The following GRK3 variants were observed in gnomAD, a reference collection of about 807,000 sequenced individuals.
GRK3 encodes G protein-coupled receptor kinase 3.
Under a neutral mutation model 95.7 loss-of-function variants are expected in GRK3, and 54 were observed. The observed-to-expected ratio is 0.56, with a 90% CI of 0.45 to 0.71. GRK3 has a LOEUF of 0.71. Among genes scored for constraint, GRK3 ranks in the 30% least tolerant of loss-of-function variants. GRK3 has a pLI of 0.00. For synonymous variants in GRK3, 281 were observed against 290.8 expected, an observed-to-expected ratio of 0.97 and a Z score of 0.34; for missense variants, 649 against 851.2, an observed-to-expected ratio of 0.76 and a Z score of 2.96.
At chr22:25,606,936 G>A (rs1394232267) in intron 2 of GRK3, among the ~76,000 whole-genome samples, 3 of 152,196 alleles carry the variant, frequency 2.0e-5, no homozygotes, top group Non-Finnish European at 4.4e-5. Flanking sequence ...AGAGGGTTTA[G>A]CTGGTAATAC....
chr22:25,642,291 G>T (rs376088773), intron 2 of GRK3, among the ~76,000 whole-genome samples: 1 of 152,102 alleles, frequency 6.6e-6, no homozygotes, highest in African/African-American at 2.4e-5. Context: ...AAATTAGCCG[G>T]CCATGATCGC....
intron 7 of GRK3, among the ~76,000 whole-genome samples, chr22:25,673,067 C>CTT (rs1192455904): frequency 1.5e-4 from 12 of 82,190 alleles, no homozygotes; most frequent in Non-Finnish European, 2.0e-4. Context: ...GGAAGAGGGG[C>CTT]TTTTTTTTTT....
At chr22:25,697,396 T>G (rs2085217881) in intron 13 of GRK3, among the ~76,000 whole-genome samples, 1 of 152,226 alleles carries the variant, frequency 6.6e-6, no homozygotes, top group Non-Finnish European at 1.5e-5. Context: ...AGATATTAAT[T>G]CCTTTGTGAA....
At chr22:25,703,815 T>C (rs1248056980) in intron 14 of GRK3, among the ~76,000 whole-genome samples, 1 of 152,018 alleles carries the variant, frequency 6.6e-6, no homozygotes, top group Non-Finnish European at 1.5e-5. Context: ...TAACGAACAG[T>C]ATGAGGAAGC....
rs1005673080 is a variant in GRK3, at chr22:25,699,876, T to C, written c.1161-3634T>C. 2.6e-5 allele frequency among the ~76,000 whole-genome samples: 4 copies of C among 152,126 alleles called. No individual in the cohort carries two copies. The East Asian group carries it at 7.8e-4, about 30-fold the overall frequency. On this transcript the variant is annotated intron_variant, in intron 13 of 20. Transcript: ENST00000324198. ...ACCACGCCCAGCTAATTTTTTGTAT[T>C]TTTAGTAGAGACGGGGCATCACTGT...
At chr22:25,670,606 ACTCCCTTC>A (rs775598812) in intron 6 of GRK3, among the ~76,000 whole-genome samples, 30 of 151,598 alleles carry the variant, frequency 2.0e-4, no homozygotes, top group Middle Eastern at 3.4e-3. Flanking sequence ...ATTACCTATA[ACTCCCTTC>A]CTCCCTTCCT....
chr22:25,693,206 C>T (rs548167411), intron 12 of GRK3, among the ~76,000 whole-genome samples: 3 of 152,122 alleles, frequency 2.0e-5, no homozygotes, highest in Non-Finnish European at 4.4e-5. Flanking sequence ...TCCAAGTGTT[C>T]GTTCAGTATT....
At chr22:25,648,795 T>G in intron 3 of GRK3, 1 of 1,183,114 alleles carries the variant, frequency 8.5e-7, no homozygotes, top group Non-Finnish European at 1.3e-6. Context: ...CCGAGATCTC[T>G]GGGCTGCTAA....
rs1227723960 is a variant in GRK3 at position 25,564,765 on chromosome 22, G to A, written c.-276G>A. 2 of 150,832 alleles carry A rather than the reference G, an allele frequency of 1.3e-5. No individual in the cohort carries two copies. The highest frequency in any genetic ancestry group is 6.6e-5 in the Admixed American group (1 of 15,172). The allele number at this position is 150,832 out of a possible 1,614,324, so 9.3% of individuals were successfully genotyped here. The stretch of plus-strand genomic sequence containing the variant: ...GGACGCGCGCTCCCCGCAGACCCTC[G>A]CTGAAGGAGCAGGGGGCGGCGCGCG... On this transcript the variant is annotated 5_prime_UTR_variant, in exon 1 of 21. Transcript: ENST00000324198.
intron 2 of GRK3, among the ~76,000 whole-genome samples, chr22:25,633,552 T>G (rs2084679175): frequency 6.6e-6 from 1 of 152,120 alleles, no homozygotes; most frequent in South Asian, 2.1e-4. Context: ...AAGTGTTGGG[T>G]TTTTTTAATG....
rs1247001879 is a variant in GRK3 at position 25,654,383 on chromosome 22, T to C, written c.265-7193T>C. 2.0e-5 allele frequency among the ~76,000 whole-genome samples: 3 copies of C among 152,184 alleles called. No individual in the cohort carries two copies. In the East Asian group the frequency reaches 5.8e-4, roughly 29 times the overall value. On this transcript the variant is annotated intron_variant, in intron 3 of 20. Coordinates refer to ENST00000324198, the MANE Select transcript of GRK3 (RefSeq NM_005160.4). ...TGAAAATTGGAGGAATATTCTTTTC[T>C]TTCTCATTTATATATGAAAATATAC...
At chr22:25,613,774 T>C (rs574077858) in intron 2 of GRK3, among the ~76,000 whole-genome samples, 1 of 152,366 alleles carries the variant, frequency 6.6e-6, no homozygotes, top group Non-Finnish European at 1.5e-5. Context: ...CTGCCTGGGC[T>C]GGGAGCCGCC....
At chr22:25,662,596 G>A (rs966345814) in intron 4 of GRK3, among the ~76,000 whole-genome samples, 2 of 152,182 alleles carry the variant, frequency 1.3e-5, no homozygotes, top group Admixed American at 6.5e-5. Context: ...TAAAGAGGAC[G>A]TCTCTTTCTT....
chr22:25,649,288 A>G lies in GRK3; in HGVS notation c.264+4623A>G, dbSNP rs1346891191. The G allele has an allele frequency of 7.0e-5, 61 of 873,012 alleles. No homozygotes were observed. In the Admixed American group the frequency reaches 1.1e-3, roughly 16 times the overall value. 54.1% of individuals were successfully genotyped at this position (873,012 alleles called of 1,614,324 possible). On this transcript the variant is annotated intron_variant, in intron 3 of 20. Transcript: ENST00000324198. ...ATCTGCCAAAATGTGAAGAACCTGT[A>G]TAGAATTTCTACAGGGATCAAAAGA...
intron 2 of GRK3, among the ~76,000 whole-genome samples, chr22:25,612,381 T>A (rs1164671442): frequency 6.6e-6 from 1 of 152,162 alleles, no homozygotes; most frequent in Non-Finnish European, 1.5e-5. Flanking sequence ...AATGGAATTG[T>A]TTTATTTATT....
chr22:25,564,897 CGCGCGCGCGGG>C lies in GRK3; in HGVS notation c.-140_-130del, dbSNP rs945093343. On this transcript the variant is annotated 5_prime_UTR_variant, in exon 1 of 21. Transcript: ENST00000324198. ...CGCAGAGCGCTAGTGGGGCGCGCGG[CGCGCGCGCGGG>C]GCGGGGGCGCGCGGAGGGGGGGGCT... 2.4e-4 allele frequency: 33 copies of C among 135,998 alleles called. No homozygotes were observed. The highest frequency in any genetic ancestry group is 3.7e-4 in the Non-Finnish European group (23 of 62,934). 8.4% of individuals were successfully genotyped at this position (135,998 alleles called of 1,614,324 possible).
intron 1 of GRK3, among the ~76,000 whole-genome samples, 191 bp downstream of exon 1, chr22:25,565,344 G>T (rs1569145583): frequency 2.0e-5 from 3 of 152,130 alleles, no homozygotes; most frequent in South Asian, 2.1e-4. Context: ...CCGGTGGGGG[G>T]CACCCCGGGA....
intron 9 of GRK3, among the ~76,000 whole-genome samples, chr22:25,683,483 G>T (rs777600287): frequency 6.6e-6 from 1 of 152,318 alleles, no homozygotes; most frequent in Non-Finnish European, 1.5e-5. Flanking sequence ...ACCATTCGTT[G>T]TACACTTCCA....
At chr22:25,693,363 A>G (rs2085180382) in intron 12 of GRK3, among the ~76,000 whole-genome samples, 1 of 152,318 alleles carries the variant, frequency 6.6e-6, no homozygotes, top group Non-Finnish European at 1.5e-5. Flanking sequence ...GCATTCATTT[A>G]TCTTATTTAT....
Sources: allele counts gnomAD v4.1 joint callset (sites outside exome capture counted in the v4.1 genomes callset), GRCh38; gene constraint gnomAD v4.1.1; transcripts MANE v1.5; gene names NCBI Gene and HGNC (gene_info 2026-07-23, HGNC 2026-07-21).